Variants in CUL3 observed in about 807,000 individuals in gnomAD.
CUL3 encodes cullin 3.
CUL3 carries 19 observed loss-of-function variants against 89.1 expected under a neutral mutation model. That is an observed-to-expected ratio of 0.21 (90% confidence interval 0.15 to 0.31). CUL3 has a LOEUF of 0.31. Ranked by LOEUF, CUL3 falls within the 10% of genes least tolerant of loss-of-function variation. CUL3 has a pLI of 1.00. For missense variants in CUL3, 469 were observed against 942.3 expected (o/e 0.50, Z 6.58); for synonymous variants, 351 against 308.4 (o/e 1.14, Z -1.45).
intron 8 of CUL3, 22 bp from the exon 9 acceptor site, chr2:224,503,844 A>C: frequency 6.7e-7 from 1 of 1,500,614 alleles, no homozygotes; most frequent in Non-Finnish European, 8.9e-7. Flanking sequence ...AGATGATGTA[A>C]CAATTATACA....
chr2:224,472,573 T>C lies in CUL3; in HGVS notation c.*1672A>G, dbSNP rs1574603016. On this transcript the variant is annotated 3_prime_UTR_variant, in exon 16 of 16. Transcript: ENST00000264414. The stretch of plus-strand genomic sequence containing the variant: ...CTACTCAAGTATGGTAAAAGTGTCC[T>C]GAGAATAATGTTCACAATACTTTTC... 4.8e-5 allele frequency: 9 copies of C among 187,146 alleles called. No homozygotes were observed. The East Asian group carries it at 7.8e-4, about 16-fold the overall frequency. 11.6% of individuals were successfully genotyped at this position (187,146 alleles called of 1,614,324 possible).
chr2:224,512,756 G>A (rs1692880920), intron 5 of CUL3, among the ~76,000 whole-genome samples: 1 of 152,210 alleles, frequency 6.6e-6, no homozygotes. Context: ...GCCTGCAGAT[G>A]AGACTTCGTT....
chr2:224,500,454 C>T lies in CUL3; in HGVS notation c.1519G>A (p.Val507Met), dbSNP rs1692336981. 6.2e-7 allele frequency: 1 copy of T among 1,613,828 alleles called. No homozygotes were observed. Among genetic ancestry groups the T allele is most frequent in the Non-Finnish European group, 8.5e-7 (1 of 1,179,944 alleles). ...SLGGVDLTVR[V>M]LTTGYWPTQS... ...GTGGGCCAATATCCTGTCGTGAGCACCCGGACTGTAAGATCAACACCACCT... is the reference window on the plus strand; with the variant it reads ...GTGGGCCAATATCCTGTCGTGAGCATCCGGACTGTAAGATCAACACCACCT... The change falls in exon 11 of 16, where the codon GTG becomes ATG. Residue 507 changes from valine to methionine, a missense_variant. By Grantham distance (21) the Val-to-Met change is conservative. Around this residue, in one of 4 missense-constraint regions of CUL3, gnomAD observed 370 missense variants for 733.2 expected, o/e 0.50. Transcript: ENST00000264414.
Position 224,471,387 on chromosome 2 carries a change from A to G in CUL3, c.*2858T>C. The G allele has an allele frequency of 1.0e-5, 2 of 198,792 alleles. No individual in the cohort carries two copies. Among genetic ancestry groups the G allele is most frequent in the Non-Finnish European group, 2.1e-5 (2 of 96,292 alleles). The allele number at this position is 198,792 out of a possible 1,614,324, so 12.3% of individuals were successfully genotyped here. On this transcript the variant is annotated 3_prime_UTR_variant, in exon 16 of 16. Transcript: ENST00000264414. ...ACTGCTTTCCAAATTAAGGAATTAA[A>G]TAATATTTAGAAACCTAAGATGATG...
chr2:224,550,191 A>T (rs1189128764), intron 2 of CUL3, among the ~76,000 whole-genome samples: 1 of 152,240 alleles, frequency 6.6e-6, no homozygotes, highest in Non-Finnish European at 1.5e-5. Flanking sequence ...GAGTATTTGC[A>T]TATACATAAT....
Position 224,479,154 on chromosome 2 carries a change from T to C in CUL3, c.2030-809A>G, listed in dbSNP as rs1438445849. 3 of 152,134 alleles carry C rather than the reference T, an allele frequency of 2.0e-5. No individual in the cohort carries two copies. The East Asian group carries it at 5.8e-4, about 29-fold the overall frequency. 9.4% of individuals were successfully genotyped at this position (152,134 alleles called of 1,614,324 possible). On this transcript the variant is annotated intron_variant, in intron 14 of 15. Transcript: ENST00000264414. ...GAGATAGATGTGAAGTTTCTGGAGG[T>C]AGAAACCGTAAAATTGCAAAGCAGC...
Position 224,506,876 on chromosome 2 carries a change from A to G in CUL3, c.1011T>C (p.Asn337=). Residue 337 remains asparagine, a synonymous_variant, in exon 7 of 16, where the codon AAT becomes AAC. Transcript: ENST00000264414. ...TACTTACCTGGATATAGTCAACAGG[A>G]TTCTTTCCTTCTCCTTCTTCAGAAA... ...ALVSEEGEGK[N]PVDYIQGLLD... 1 of 1,613,566 alleles carries G rather than the reference A, an allele frequency of 6.2e-7. No individual in the cohort carries two copies. The highest frequency in any genetic ancestry group is 8.5e-7 in the Non-Finnish European group (1 of 1,179,736).
rs1030273891 is a variant in CUL3 at position 224,471,725 on chromosome 2, A to C, written c.*2520T>G. On this transcript the variant is annotated 3_prime_UTR_variant, in exon 16 of 16. Transcript: ENST00000264414. The stretch of plus-strand genomic sequence containing the variant: ...GCTGTGCGTTCCCTAATTGCAATGA[A>C]TTTTCAGTCTTTAAATAATGTTAAC... 4.5e-5 allele frequency: 10 copies of C among 224,160 alleles called. No individual in the cohort carries two copies. The highest frequency in any genetic ancestry group is 1.9e-4 in the East Asian group (3 of 15,420). 13.9% of individuals were successfully genotyped at this position (224,160 alleles called of 1,614,324 possible).
chr2:224,584,465 G>T (rs1469424030), intron 1 of CUL3, among the ~76,000 whole-genome samples: 1 of 152,140 alleles, frequency 6.6e-6, no homozygotes, highest in East Asian at 1.9e-4. Context: ...AGACCTTCCT[G>T]GGGAGGGGGG....
At position 224,530,442 on chromosome 2, in the gene CUL3, C is replaced by CA. The variant is rs532765768; in HGVS notation, c.378+5085dup. On this transcript the variant is annotated intron_variant, in intron 3 of 15. Transcript: ENST00000264414. ...GTCTAGGTTGAGGGTAAAAGTCTTA[C>CA]AAAAAAAAAAGTGGAGATGTCCACA... Among the ~76,000 whole-genome samples, 1,286 of 141,084 alleles carry CA rather than the reference C, an allele frequency of 9.1e-3. 13 individuals carry two copies. The highest frequency in any genetic ancestry group is 0.028 in the South Asian group (125 of 4,536). 92.6% of individuals were successfully genotyped at this position (141,084 alleles called of 152,430 possible). A position where few individuals can be genotyped will look rare whatever the true frequency, so the allele number is the denominator to read the frequency against.
intron 13 of CUL3, among the ~76,000 whole-genome samples, chr2:224,494,365 C>T (rs1692088837): frequency 6.6e-6 from 1 of 152,022 alleles, no homozygotes; most frequent in African/African-American, 2.4e-5. Flanking sequence ...AACCCCAAAA[C>T]ACCCTTTAAA....
intron 13 of CUL3, among the ~76,000 whole-genome samples, chr2:224,489,172 G>GA (rs1204766660): frequency 6.6e-6 from 1 of 152,152 alleles, no homozygotes; most frequent in African/African-American, 2.4e-5. Flanking sequence ...ACAAAAGCTG[G>GA]AAGCATTCCC....
At chr2:224,579,747 C>G (rs1407967627) in intron 1 of CUL3, among the ~76,000 whole-genome samples, 1 of 152,164 alleles carries the variant, frequency 6.6e-6, no homozygotes, top group Non-Finnish European at 1.5e-5. Flanking sequence ...TCCAGGACCC[C>G]AGGGTAGAGA....
intron 1 of CUL3, among the ~76,000 whole-genome samples, chr2:224,560,005 C>T (rs1694853252): frequency 6.6e-6 from 1 of 152,132 alleles, no homozygotes; most frequent in Non-Finnish European, 1.5e-5. Context: ...ATCGCTTGAG[C>T]CCGGGAGGTC....
intron 2 of CUL3, among the ~76,000 whole-genome samples, chr2:224,544,691 A>G (rs1694237474): frequency 6.6e-6 from 1 of 151,048 alleles, no homozygotes; most frequent in Non-Finnish European, 1.5e-5. Context: ...AAGATTTCAA[A>G]ATTTTTCCAC....
intron 1 of CUL3, among the ~76,000 whole-genome samples, chr2:224,568,089 TTTTC>T (rs1359457858): frequency 2.0e-5 from 3 of 152,206 alleles, no homozygotes; most frequent in Non-Finnish European, 2.9e-5. Flanking sequence ...TTGCTTTGCC[TTTTC>T]TTTATCTGAT....
At chr2:224,576,570 G>A (rs1392481564) in intron 1 of CUL3, among the ~76,000 whole-genome samples, 3 of 150,674 alleles carry the variant, frequency 2.0e-5, no homozygotes, top group Non-Finnish European at 3.0e-5. Context: ...AGTTTCTCAT[G>A]TAATCAATCA....
At chr2:224,520,675 G>C (rs1357997874) in intron 3 of CUL3, among the ~76,000 whole-genome samples, 1 of 152,090 alleles carries the variant, frequency 6.6e-6, no homozygotes, top group Non-Finnish European at 1.5e-5. Flanking sequence ...GCTCAACCAG[G>C]TGACCTCCAT....
intron 3 of CUL3, among the ~76,000 whole-genome samples, chr2:224,519,188 T>C (rs1159302424): frequency 6.6e-6 from 1 of 152,254 alleles, no homozygotes; most frequent in Non-Finnish European, 1.5e-5. Flanking sequence ...TTATTTCATG[T>C]ACAAATTACT....
Sources: allele counts gnomAD v4.1 joint callset (sites outside exome capture counted in the v4.1 genomes callset), GRCh38; gene constraint gnomAD v4.1.1; regional missense constraint gnomAD v4.1.1; transcripts MANE v1.5; gene names NCBI Gene and HGNC (gene_info 2026-07-23, HGNC 2026-07-21).